SSBP3: variants seen among roughly 807,000 people sequenced by gnomAD.
SSBP3 encodes the protein single-stranded DNA-binding protein 3.
SSBP3 carries 5 observed loss-of-function variants against 69.6 expected under a neutral mutation model. The ratio of observed to expected loss-of-function variants is 0.07; its 90% CI spans 0.04 to 0.15. The LOEUF is 0.15. Ranked by LOEUF, SSBP3 falls within the 10% of genes least tolerant of loss-of-function variation. SSBP3 has a pLI of 1.00. For synonymous variants in SSBP3, 196 were observed against 193.4 expected (o/e 1.01, Z -0.11); for missense variants, 312 against 534.0 (o/e 0.58, Z 4.10).
chr1:54,366,323 TATATTTGCACC>T (rs1647029640), intron 4 of SSBP3, among the ~76,000 whole-genome samples: 2 of 152,108 alleles, frequency 1.3e-5, no homozygotes, highest in South Asian at 4.1e-4. Context: ...CCTGGTACAG[TATATTTGCACC>T]ATATACTGGG....
At chr1:54,236,602 TTCTCA>T (rs1222076501) in intron 14 of SSBP3, 1 of 152,190 alleles carries the variant, frequency 6.6e-6, no homozygotes, top group East Asian at 1.9e-4. Flanking sequence ...CCTTTTTCCA[TTCTCA>T]TCTCAATGCA....
At chr1:54,237,680 G>A (rs1644522875) in intron 14 of SSBP3, 1 of 161,522 alleles carries the variant, frequency 6.2e-6, no homozygotes, top group African/African-American at 2.4e-5. Context: ...TGCTGTCATT[G>A]TCACCGTTCT....
intron 5 of SSBP3, among the ~76,000 whole-genome samples, chr1:54,265,190 G>C (rs1393561969): frequency 6.6e-6 from 1 of 152,194 alleles, no homozygotes; most frequent in Non-Finnish European, 1.5e-5. Flanking sequence ...TGACCAGATG[G>C]GGGGAGGAAG....
At chr1:54,390,673 C>T (rs544049868) in intron 4 of SSBP3, among the ~76,000 whole-genome samples, 134 of 152,342 alleles carry the variant, frequency 8.8e-4, no homozygotes, top group African/African-American at 3.1e-3. Context: ...TTGGCCAATT[C>T]GGAGATAACG....
chr1:54,299,584 AATT>A (rs1344241732), intron 4 of SSBP3, among the ~76,000 whole-genome samples: 5 of 151,988 alleles, frequency 3.3e-5, no homozygotes, highest in Non-Finnish European at 7.4e-5. Flanking sequence ...CAGGGAAACA[AATT>A]ATTAGGAAAA....
chr1:54,338,789 G>T (rs1646555120), intron 4 of SSBP3, among the ~76,000 whole-genome samples: 1 of 152,198 alleles, frequency 6.6e-6, no homozygotes, highest in Non-Finnish European at 1.5e-5. Context: ...AAGGGCAGAA[G>T]AGAGTGACAC....
intron 5 of SSBP3, among the ~76,000 whole-genome samples, chr1:54,276,565 C>T (rs941846017): frequency 1.5e-5 from 2 of 137,376 alleles, no homozygotes; most frequent in Non-Finnish European, 3.1e-5. Flanking sequence ...GAGCCGAGAT[C>T]GCCACTGCCC....
intron 7 of SSBP3, among the ~76,000 whole-genome samples, chr1:54,254,334 G>C (rs1219153323): frequency 6.6e-6 from 1 of 152,184 alleles, no homozygotes; most frequent in Non-Finnish European, 1.5e-5. Context: ...TGCCAGGTGG[G>C]ACCTCTGCCG....
intron 4 of SSBP3, chr1:54,286,357 G>A (rs1645489720): frequency 6.6e-6 from 1 of 152,112 alleles, no homozygotes; most frequent in African/African-American, 2.4e-5. Context: ...CCTTAAACAG[G>A]GTGATGAGGC....
chr1:54,244,269 G>A (rs1359100229), intron 9 of SSBP3, among the ~76,000 whole-genome samples: 1 of 152,076 alleles, frequency 6.6e-6, no homozygotes, highest in Non-Finnish European at 1.5e-5. Flanking sequence ...ATGTCGGGCT[G>A]ATATTTGTAT....
At chr1:54,393,985 C>T (rs1648678865) in intron 4 of SSBP3, among the ~76,000 whole-genome samples, 1 of 152,174 alleles carries the variant, frequency 6.6e-6, no homozygotes, top group Non-Finnish European at 1.5e-5. Flanking sequence ...GTTTCTAATT[C>T]CTGACCTCAA....
At chr1:54,240,087 T>TGCGCGCGCGCGTGTGCGTGC (rs1644591248) in intron 13 of SSBP3, among the ~76,000 whole-genome samples, 2 of 42,344 alleles carry the variant, frequency 4.7e-5, no homozygotes, top group Non-Finnish European at 8.4e-5. Context: ...TGTGTGTGTG[T>TGCGCGCGCGCGTGTGCGTGC]GCGCGCGCGC....
At chr1:54,333,220 G>A (rs1557540104) in intron 4 of SSBP3, among the ~76,000 whole-genome samples, 1 of 152,188 alleles carries the variant, frequency 6.6e-6, no homozygotes, top group Non-Finnish European at 1.5e-5. Flanking sequence ...ACAGAATACG[G>A]AAAGGATTTT....
chr1:54,382,432 G>C (rs56059850), intron 4 of SSBP3, among the ~76,000 whole-genome samples: 17,118 of 152,170 alleles, frequency 0.11, 1,109 homozygotes, highest in East Asian at 0.28. Context: ...AGTCTATGAG[G>C]TCTGTGAGGG....
intron 5 of SSBP3, among the ~76,000 whole-genome samples, chr1:54,273,637 T>C (rs1056446421): frequency 2.0e-5 from 3 of 152,180 alleles, no homozygotes; most frequent in African/African-American, 7.2e-5. Flanking sequence ...CAGGAGATTG[T>C]GGAGGGCAGG....
chr1:54,279,199 C>T (rs1002135345), intron 5 of SSBP3, among the ~76,000 whole-genome samples: 2 of 152,184 alleles, frequency 1.3e-5, no homozygotes, highest in Non-Finnish European at 2.9e-5. Context: ...CTCTTGATGG[C>T]TCGCCGTGCC....
intron 5 of SSBP3, among the ~76,000 whole-genome samples, chr1:54,265,311 GGT>G (rs893180096): frequency 4.6e-5 from 7 of 151,940 alleles, no homozygotes; most frequent in Non-Finnish European, 8.8e-5. Flanking sequence ...GAAGGGTGTG[GGT>G]GTGTGTGTGT....
intron 4 of SSBP3, 89 bp from the exon 5 acceptor site, chr1:54,281,616 G>T: frequency 8.3e-7 from 1 of 1,208,430 alleles, no homozygotes; most frequent in Non-Finnish European, 1.2e-6. Context: ...CTCCCTGTCC[G>T]TCCACATTCC....
intron 4 of SSBP3, among the ~76,000 whole-genome samples, chr1:54,281,989 G>A (rs757198503): frequency 6.6e-6 from 1 of 151,630 alleles, no homozygotes; most frequent in African/African-American, 2.4e-5. Flanking sequence ...CCACTTACTC[G>A]GGAGGTTGAG....
Sources: allele counts gnomAD v4.1 joint callset (sites outside exome capture counted in the v4.1 genomes callset), GRCh38; gene constraint gnomAD v4.1.1; transcripts MANE v1.5; gene names NCBI Gene and HGNC (gene_info 2026-07-23, HGNC 2026-07-21).